The following KIAA0825 variants were observed in gnomAD, a reference collection of about 807,000 sequenced individuals.
KIAA0825 encodes the protein uncharacterized protein KIAA0825.
Under a neutral mutation model 147.6 loss-of-function variants are expected in KIAA0825, and 119 were observed. That is an observed-to-expected ratio of 0.81 (90% CI 0.69 to 0.94). The LOEUF (loss-of-function observed/expected upper bound fraction) is 0.94, where lower values mean the gene tolerates loss of function less well. Ranked by LOEUF, KIAA0825 falls within the 40% of genes least tolerant of loss-of-function variation. KIAA0825 has a pLI of 0.00. For synonymous variants in KIAA0825, 470 were observed against 518.1 expected (o/e 0.91, Z 1.26); for missense variants, 1,381 against 1,472.7 (o/e 0.94, Z 1.02).
chr5:94,472,411 T>C (rs181771641), intron 8 of KIAA0825, among the ~76,000 whole-genome samples: 3 of 152,306 alleles, frequency 2.0e-5, no homozygotes, highest in African/African-American at 7.2e-5. Flanking sequence ...TTAGAGTGAC[T>C]GTGGCAGAAT....
At chr5:94,560,689 A>G (rs1056137539) in intron 2 of KIAA0825, among the ~76,000 whole-genome samples, 2 of 152,138 alleles carry the variant, frequency 1.3e-5, no homozygotes, top group Admixed American at 1.3e-4. Context: ...TTTCTCCGTA[A>G]GATCTTAAAT....
intron 1 of KIAA0825, chr5:94,611,992 T>C (rs1006189119): frequency 3.3e-5 from 5 of 152,114 alleles, no homozygotes; most frequent in Non-Finnish European, 7.4e-5. Flanking sequence ...ATTTATAGGC[T>C]ACCTGAATTT....
At chr5:94,315,780 C>A (rs1779600706) in intron 20 of KIAA0825, among the ~76,000 whole-genome samples, 1 of 151,806 alleles carries the variant, frequency 6.6e-6, no homozygotes, top group Admixed American at 6.6e-5. Context: ...CTTCAAGGAT[C>A]TGCCATAATG....
chr5:94,446,262 G>A (rs185722816), intron 13 of KIAA0825, among the ~76,000 whole-genome samples: 15 of 152,160 alleles, frequency 9.9e-5, no homozygotes, highest in Admixed American at 2.6e-4. Flanking sequence ...CCATGGAGAC[G>A]TAACAGTAAG....
intron 20 of KIAA0825, among the ~76,000 whole-genome samples, chr5:94,272,198 G>A (rs142142500): frequency 1.3e-5 from 2 of 151,780 alleles, no homozygotes; most frequent in Non-Finnish European, 2.9e-5. Context: ...GAAGGGTAGT[G>A]GGGGGAGGAC....
chr5:94,375,330 C>A (rs566021747), intron 20 of KIAA0825, among the ~76,000 whole-genome samples: 20 of 152,096 alleles, frequency 1.3e-4, no homozygotes, highest in African/African-American at 4.8e-4. Flanking sequence ...CACACCCGGC[C>A]AAAAATAGAT....
chr5:94,582,452 C>T lies in KIAA0825; in HGVS notation c.-21G>A, dbSNP rs1258246875. The T allele has an allele frequency of 6.6e-6, 1 of 152,148 alleles. No individual in the cohort carries two copies. Among genetic ancestry groups the T allele is most frequent in the Non-Finnish European group, 1.5e-5 (1 of 68,022 alleles). 9.4% of individuals were successfully genotyped at this position (152,148 alleles called of 1,614,324 possible). ...TCTTACCTAATTTTATTTCAGAAGA[C>T]ACTAAGAATGAACTGGTCTTCGAAT... is the stretch of plus-strand genomic sequence containing the variant. On this transcript the variant is annotated 5_prime_UTR_variant, in exon 2 of 21. Transcript: ENST00000682413.
chr5:94,596,214 G>A (rs987537056), intron 1 of KIAA0825, among the ~76,000 whole-genome samples: 14 of 152,062 alleles, frequency 9.2e-5, no homozygotes, highest in African/African-American at 3.4e-4. Context: ...TTATAGTTTT[G>A]GGTTTTACAT....
intron 20 of KIAA0825, among the ~76,000 whole-genome samples, chr5:94,210,800 A>C (rs1310230478): frequency 6.6e-6 from 1 of 152,224 alleles, no homozygotes; most frequent in Non-Finnish European, 1.5e-5. Context: ...TGTATTAAAA[A>C]ATTAGGTCTA....
chr5:94,283,229 G>A (rs1253160725), intron 20 of KIAA0825, among the ~76,000 whole-genome samples: 1 of 152,060 alleles, frequency 6.6e-6, no homozygotes, highest in Non-Finnish European at 1.5e-5. Flanking sequence ...CTTTGTGCCA[G>A]TGATTCCAAA....
intron 19 of KIAA0825, among the ~76,000 whole-genome samples, chr5:94,385,130 A>G (rs1481174723): frequency 2.6e-5 from 4 of 152,236 alleles, no homozygotes; most frequent in East Asian, 3.8e-4. Context: ...CAGCTATAAT[A>G]ATTATTTATG....
At chr5:94,419,685 T>A (rs1753922768) in intron 14 of KIAA0825, among the ~76,000 whole-genome samples, 1 of 152,178 alleles carries the variant, frequency 6.6e-6, no homozygotes, top group South Asian at 2.1e-4. Flanking sequence ...GCTGAGGCCA[T>A]CCCCTTCCAG....
intron 12 of KIAA0825, among the ~76,000 whole-genome samples, chr5:94,459,644 T>C (rs562931228): frequency 6.6e-6 from 1 of 152,296 alleles, no homozygotes; most frequent in South Asian, 2.1e-4. Flanking sequence ...CTGCTATTCC[T>C]TGGCTTAGTG....
chr5:94,223,895 A>G (rs185212346), intron 20 of KIAA0825, among the ~76,000 whole-genome samples: 9 of 152,184 alleles, frequency 5.9e-5, no homozygotes, highest in Admixed American at 5.9e-4. Flanking sequence ...GATTCATCGC[A>G]ACATCTATAA....
intron 1 of KIAA0825, among the ~76,000 whole-genome samples, chr5:94,599,807 C>T (rs1786030054): frequency 1.3e-5 from 2 of 152,052 alleles, no homozygotes; most frequent in Non-Finnish European, 2.9e-5. Context: ...ATTCTCTGCC[C>T]CAGTAAGACT....
At chr5:94,526,338 G>A (rs1448298562) in intron 3 of KIAA0825, among the ~76,000 whole-genome samples, 1 of 151,944 alleles carries the variant, frequency 6.6e-6, no homozygotes, top group Non-Finnish European at 1.5e-5. Context: ...CTGGCACAGT[G>A]GGGATGGAAG....
At chr5:94,605,627 A>G (rs1230375025) in intron 1 of KIAA0825, among the ~76,000 whole-genome samples, 1 of 152,210 alleles carries the variant, frequency 6.6e-6, no homozygotes, top group Non-Finnish European at 1.5e-5. Flanking sequence ...AACTCAATAA[A>G]TGTGATTCAC....
At chr5:94,404,809 T>G (rs1227536956) in intron 15 of KIAA0825, among the ~76,000 whole-genome samples, 1 of 152,208 alleles carries the variant, frequency 6.6e-6, no homozygotes, top group Non-Finnish European at 1.5e-5. Flanking sequence ...ATTATCTAAT[T>G]AATTTTCAAG....
At chr5:94,489,929 G>GTAGC (rs1365653981) in intron 5 of KIAA0825, among the ~76,000 whole-genome samples, 1 of 150,626 alleles carries the variant, frequency 6.6e-6, no homozygotes, top group Non-Finnish European at 1.5e-5. Context: ...AGTCTAACTA[G>GTAGC]TAGCTAGAAA....
Sources: gnomAD v4.1 joint callset for allele counts (sites outside exome capture counted in the v4.1 genomes callset) on GRCh38, gnomAD v4.1.1 for gene constraint, MANE v1.5 for transcripts, NCBI Gene and HGNC (gene_info 2026-07-23, HGNC 2026-07-21) for gene names.